DCAF5: variants seen among roughly 807,000 people sequenced by gnomAD.
DCAF5 encodes DDB1 and CUL4 associated factor 5, also known as DDB1- and CUL4-associated factor 5.
Under a neutral mutation model 80.7 loss-of-function variants are expected in DCAF5, and 9 were observed. The ratio of observed to expected loss-of-function variants is 0.11; its 90% CI spans 0.07 to 0.19. The LOEUF (loss-of-function observed/expected upper bound fraction) is 0.19. Among genes scored for constraint, DCAF5 ranks in the 10% least tolerant of loss-of-function variants. The pLI, the probability that DCAF5 is intolerant of heterozygous loss-of-function variation, is 1.00. For synonymous variants in DCAF5, 433 were observed against 461.9 expected (o/e 0.94, Z 0.80); for missense variants, 842 against 1,205.7 (o/e 0.70, Z 4.47).
At chr14:69,080,097 G>A (rs1223657309) in intron 6 of DCAF5, among the ~76,000 whole-genome samples, 1 of 152,112 alleles carries the variant, frequency 6.6e-6, no homozygotes, top group Non-Finnish European at 1.5e-5. Flanking sequence ...ATATAAGGTA[G>A]CCATTAAGAG....
At chr14:69,064,198 T>C (rs780813160) in intron 7 of DCAF5, among the ~76,000 whole-genome samples, 2 of 152,152 alleles carry the variant, frequency 1.3e-5, no homozygotes, top group Non-Finnish European at 2.9e-5. Context: ...AACCCAAAAA[T>C]AGTTGTCTTG....
chr14:69,133,963 C>T (rs763740657), intron 1 of DCAF5, among the ~76,000 whole-genome samples: 8 of 152,170 alleles, frequency 5.3e-5, no homozygotes, highest in South Asian at 2.1e-4. Context: ...TTTTGAAATA[C>T]TAACCCTAGA....
At chr14:69,100,816 G>C (rs1205739519) in intron 5 of DCAF5, among the ~76,000 whole-genome samples, 1 of 152,152 alleles carries the variant, frequency 6.6e-6, no homozygotes, top group Non-Finnish European at 1.5e-5. Context: ...GATTATTATT[G>C]AGAGTATACT....
Position 69,055,706 on chromosome 14 carries a change from G to GTTAATTTA in DCAF5, c.1075-96_1075-95insTAAATTAA. On this transcript the variant is annotated intron_variant, in intron 8 of 8. Transcript: ENST00000341516. This position sits in a 1 kb window ranked among gnomAD's most constrained non-coding sequence, Gnocchi z 5.6. ...AGAACACCAAGGCAGAACTTCCCCA[G>GTTAATTTA]ACTCTCCCTGTAATTTAACTAGGAC... The GTTAATTTA allele has an allele frequency of 8.7e-6, 11 of 1,258,024 alleles. No individual in the cohort carries two copies. The highest frequency in any genetic ancestry group is 1.2e-5 in the Non-Finnish European group (11 of 901,732). 77.9% of individuals were successfully genotyped at this position (1,258,024 alleles called of 1,614,324 possible). A position where few individuals can be genotyped will look rare whatever the true frequency, so the allele number is the denominator to read the frequency against.
At chr14:69,107,485 G>A (rs1017354369) in intron 5 of DCAF5, among the ~76,000 whole-genome samples, 3 of 152,282 alleles carry the variant, frequency 2.0e-5, no homozygotes, top group Non-Finnish European at 4.4e-5. Context: ...GGAGTGCTTC[G>A]ACAAGCTCCT....
intron 1 of DCAF5, among the ~76,000 whole-genome samples, chr14:69,141,103 C>A (rs1026384523): frequency 2.1e-4 from 29 of 141,242 alleles, no homozygotes; most frequent in Admixed American, 3.0e-4. Flanking sequence ...CACTGCACTC[C>A]AGCCTGGGCC....
chr14:69,082,823 A>C lies in DCAF5; in HGVS notation c.880-7412T>G, dbSNP rs574525179. ...CTTGAAGATATCTCAAAAAGAGGCA[A>C]AGCTCTTCTACTAAAAGTAAAATTT... On this transcript the variant is annotated intron_variant, in intron 6 of 8. Transcript: ENST00000341516. Among the ~76,000 whole-genome samples the C allele has an allele frequency of 3.3e-5, 5 of 152,314 alleles. No individual in the cohort carries two copies. In the East Asian group the frequency reaches 9.6e-4, roughly 29 times the overall value.
intron 5 of DCAF5, among the ~76,000 whole-genome samples, chr14:69,097,162 A>C (rs185921801): frequency 1.3e-5 from 2 of 152,362 alleles, no homozygotes; most frequent in Admixed American, 1.3e-4. Flanking sequence ...GTTTGAAAAG[A>C]AAAATCATGA....
intron 6 of DCAF5, among the ~76,000 whole-genome samples, chr14:69,087,717 C>T (rs191980635): frequency 5.9e-5 from 9 of 152,282 alleles, no homozygotes; most frequent in Non-Finnish European, 1.3e-4. Context: ...ATGTATCTAT[C>T]ACAGCATCAG....
chr14:69,102,107 CTTT>C (rs141874345), intron 5 of DCAF5, among the ~76,000 whole-genome samples: 5,579 of 132,932 alleles, frequency 0.042, 288 homozygotes, highest in African/African-American at 0.15. Flanking sequence ...TTTACTATAA[CTTT>C]TTTTTTTTTT....
At chr14:69,150,971 A>C (rs529122906) in intron 1 of DCAF5, among the ~76,000 whole-genome samples, 1 of 152,320 alleles carries the variant, frequency 6.6e-6, no homozygotes, top group East Asian at 1.9e-4. Flanking sequence ...TGATTAGTTC[A>C]GTTGTCTCTA....
intron 5 of DCAF5, among the ~76,000 whole-genome samples, chr14:69,099,259 C>T (rs1017055277): frequency 5.6e-5 from 5 of 90,064 alleles, no homozygotes; most frequent in Admixed American, 1.0e-4. Flanking sequence ...TCAACACACA[C>T]ACACACACAC....
At chr14:69,073,043 T>C (rs1475576334) in intron 7 of DCAF5, among the ~76,000 whole-genome samples, 1 of 152,208 alleles carries the variant, frequency 6.6e-6, no homozygotes, top group Non-Finnish European at 1.5e-5. Flanking sequence ...GCATAGTGCA[T>C]TTTAGAATAA....
chr14:69,062,532 A>G (rs377446228), intron 7 of DCAF5, 21 bp from the exon 8 acceptor site: 12 of 1,609,738 alleles, frequency 7.5e-6, no homozygotes, highest in African/African-American at 1.3e-5. Context: ...AGAAGGAAAC[A>G]AAAATCAGAT....
At position 69,152,916 on chromosome 14, in the gene DCAF5, C is replaced by T; in HGVS notation, c.63G>A (p.Arg21=). The change falls in exon 1 of 9, where the codon CGG becomes CGA. Residue 21 remains arginine (R), a synonymous_variant. Transcript: ENST00000341516. This position sits in a 1 kb window ranked among gnomAD's most constrained non-coding sequence, Gnocchi z 4.1. ...TGAGCAGGGGGTCCCCATGCAAGCC[C>T]CGCTGGGACAAGAAGCCCACCACTG... ...MRSVVGFLSQ[R]GLHGDPLLTQ... 2 of 1,613,836 alleles carry T rather than the reference C, an allele frequency of 1.2e-6. No individual in the cohort carries two copies. The highest frequency in any genetic ancestry group is 1.7e-6 in the Non-Finnish European group (2 of 1,179,988).
intron 6 of DCAF5, among the ~76,000 whole-genome samples, chr14:69,086,782 T>C (rs569625249): frequency 2.0e-5 from 3 of 152,216 alleles, no homozygotes; most frequent in South Asian, 4.1e-4. Context: ...TCCAAGGCCA[T>C]TTTGTTGGAT....
intron 5 of DCAF5, among the ~76,000 whole-genome samples, chr14:69,108,827 A>G (rs2040254762): frequency 6.6e-6 from 1 of 152,150 alleles, no homozygotes; most frequent in South Asian, 2.1e-4. Context: ...CATTGTGACG[A>G]GCAAAATCCC....
rs886531019 is a variant in DCAF5 at position 69,118,018 on chromosome 14, C to T, written c.535+121G>A. ...CTCTTATGCCCCCATGTGAGTGTTTCACATTTCCTTTCCCTTGACATCACT... is the reference window on the plus strand; with the variant it reads ...CTCTTATGCCCCCATGTGAGTGTTTTACATTTCCTTTCCCTTGACATCACT... On this transcript the variant is annotated intron_variant, in intron 4 of 8. Coordinates refer to ENST00000341516, the MANE Select transcript of DCAF5 (RefSeq NM_003861.3). This position sits in a 1 kb window ranked among gnomAD's most constrained non-coding sequence, Gnocchi z 4.0. 1.0e-5 allele frequency: 14 copies of T among 1,396,798 alleles called. No individual in the cohort carries two copies. Among genetic ancestry groups the T allele is most frequent in the Non-Finnish European group, 1.2e-5 (12 of 1,005,108 alleles). 86.5% of individuals were successfully genotyped at this position (1,396,798 alleles called of 1,614,324 possible). A position where few individuals can be genotyped will look rare whatever the true frequency, so the allele number is the denominator to read the frequency against.
In DCAF5 at chr14:69,153,006, G is replaced by T; in HGVS notation, c.-28C>A. Reference sequence around the variant, plus strand: ...TGGAACCGCCGCCGCCGCCGCTCGCGCCGCCGCCCCTCCCTCGGCCTCACG... The same window carrying T: ...TGGAACCGCCGCCGCCGCCGCTCGCTCCGCCGCCCCTCCCTCGGCCTCACG... On this transcript the variant is annotated 5_prime_UTR_variant, in exon 1 of 9. Coordinates refer to ENST00000341516, the MANE Select transcript of DCAF5 (RefSeq NM_003861.3). 6.6e-7 allele frequency: 1 copy of T among 1,522,382 alleles called. No individual in the cohort carries two copies. Among genetic ancestry groups the T allele is most frequent in the Non-Finnish European group, 8.8e-7 (1 of 1,140,112 alleles). 94.3% of individuals were successfully genotyped at this position (1,522,382 alleles called of 1,614,324 possible).
Sources: allele counts gnomAD v4.1 joint callset (sites outside exome capture counted in the v4.1 genomes callset), GRCh38; gene constraint gnomAD v4.1.1; non-coding constraint Gnocchi (gnomAD v3.1); transcripts MANE v1.5; gene names NCBI Gene and HGNC (gene_info 2026-07-23, HGNC 2026-07-21).